Variants in PCDHA4 observed in about 807,000 individuals in gnomAD.
The protein encoded by PCDHA4 is protocadherin alpha 4.
In PCDHA4, 49 loss-of-function variants were observed where a neutral mutation model predicts 61.4. The ratio of observed to expected loss-of-function variants is 0.80; its 90% CI spans 0.63 to 1.01. The LOEUF (loss-of-function observed/expected upper bound fraction) is 1.01. Ranked by LOEUF, PCDHA4 falls within the 50% of genes least tolerant of loss-of-function variation. The pLI is 0.00. For synonymous variants in PCDHA4, 590 were observed against 550.3 expected (o/e 1.07, Z -1.01); for missense variants, 1,254 against 1,235.8 (o/e 1.01, Z -0.22).
intron 1 of PCDHA4, among the ~76,000 whole-genome samples, chr5:140,912,377 A>T (rs1202586249): frequency 1.3e-5 from 2 of 149,084 alleles, no homozygotes; most frequent in Admixed American, 6.7e-5. Context: ...TGTAAAAGGG[A>T]TTGAGTTCTT....
In PCDHA4 at chr5:141,009,849, C is replaced by G; in HGVS notation, c.2756C>G (p.Thr919Ser). The change falls in exon 4 of 4, where the codon ACC (threonine) becomes AGC (serine). Residue 919 changes from threonine (T) to serine (S), a missense_variant. Physicochemically the swap from Thr to Ser is moderately conservative, Grantham distance 58. Coordinates refer to ENST00000530339, the MANE Select transcript of PCDHA4 (RefSeq NM_018907.4). ...ATAACCTTCGGCAAAAAGGAGGAGA[C>G]CAAGAAAAAGAAGAAAAAGAAGAAG... ...DFITFGKKEE[T>S]KKKKKKKKGN... 1 of 1,613,364 alleles carries G rather than the reference C, an allele frequency of 6.2e-7. No homozygotes were observed. The highest frequency in any genetic ancestry group is 8.5e-7 in the Non-Finnish European group (1 of 1,179,856).
At chr5:140,923,364 A>C (rs1414879540) in intron 1 of PCDHA4, among the ~76,000 whole-genome samples, 1 of 152,106 alleles carries the variant, frequency 6.6e-6, no homozygotes, top group African/African-American at 2.4e-5. Flanking sequence ...TATCTTTATA[A>C]AATATTTTTA....
At chr5:140,925,641 T>TATAATA (rs10569930) in intron 1 of PCDHA4, among the ~76,000 whole-genome samples, 37,208 of 143,074 alleles carry the variant, frequency 0.26, 4,933 homozygotes, top group Middle Eastern at 0.29. Context: ...GAACTTAAAG[T>TATAATA]ATAATAATAA....
intron 1 of PCDHA4, chr5:140,852,294 C>T (rs1467732169): frequency 2.1e-6 from 1 of 469,886 alleles, no homozygotes; most frequent in Non-Finnish European, 2.9e-6. Flanking sequence ...TTTTATTTTT[C>T]TGAGACGGAG....
intron 1 of PCDHA4, chr5:140,870,682 C>G: frequency 6.2e-7 from 1 of 1,612,762 alleles, no homozygotes; most frequent in South Asian, 1.1e-5. Flanking sequence ...CCACGAGGAG[C>G]TGGAGCTGCT....
At chr5:141,007,638 T>G (rs1393056593) in intron 3 of PCDHA4, among the ~76,000 whole-genome samples, 7 of 152,128 alleles carry the variant, frequency 4.6e-5, no homozygotes, top group African/African-American at 1.7e-4. Context: ...GCCCTCCCTG[T>G]ATTTGCCTAA....
intron 1 of PCDHA4, chr5:140,869,872 A>G: frequency 6.2e-7 from 1 of 1,610,558 alleles, no homozygotes; most frequent in Admixed American, 1.7e-5. Context: ...AAATGCTGCT[A>G]AAGAAACTCT....
intron 1 of PCDHA4, chr5:140,835,681 C>T (rs2150132521): frequency 6.2e-7 from 1 of 1,613,918 alleles, no homozygotes; most frequent in Non-Finnish European, 8.5e-7. Flanking sequence ...GGGGGCTCGC[C>T]TTCTCTGTGG....
In PCDHA4 at chr5:140,883,118, C is replaced by G. The variant is rs370331206; in HGVS notation, c.2385+73546C>G. ...AGATATAGTTTACTCATTTAGAAGG[C>G]CTGTATGGCCTGCAGTGGTATATGC... On this transcript the variant is annotated intron_variant, in intron 1 of 3. Coordinates refer to ENST00000530339, the MANE Select transcript of PCDHA4 (RefSeq NM_018907.4). The G allele has an allele frequency of 8.7e-6, 14 of 1,613,882 alleles. No individual in the cohort carries two copies. Among genetic ancestry groups the G allele is most frequent in the Non-Finnish European group, 1.2e-5 (14 of 1,180,016 alleles).
chr5:140,822,533 A>G, intron 1 of PCDHA4: 1 of 1,613,982 alleles, frequency 6.2e-7, no homozygotes, highest in Non-Finnish European at 8.5e-7. Context: ...TTGTTGGAAA[A>G]TGCACCAAGT....
chr5:140,851,679 C>A, intron 1 of PCDHA4: 1 of 915,664 alleles, frequency 1.1e-6, no homozygotes, highest in Non-Finnish European at 1.3e-6. Context: ...AAATTTTCTC[C>A]ATTCAGTGAT....
At chr5:140,925,142 C>G (rs2082353538) in intron 1 of PCDHA4, among the ~76,000 whole-genome samples, 1 of 151,570 alleles carries the variant, frequency 6.6e-6, no homozygotes, top group African/African-American at 2.4e-5. Context: ...TTCAAACATA[C>G]ACAAAAGTTG....
chr5:140,839,021 A>G (rs1403087386), intron 1 of PCDHA4, among the ~76,000 whole-genome samples: 1 of 152,058 alleles, frequency 6.6e-6, no homozygotes, highest in East Asian at 1.9e-4. Flanking sequence ...TTATTTTAGG[A>G]TATGTTACTG....
At chr5:140,927,118 G>C in intron 1 of PCDHA4, 1 of 1,613,946 alleles carries the variant, frequency 6.2e-7, no homozygotes, top group Non-Finnish European at 8.5e-7. Context: ...CGGCAATTTG[G>C]TGGTCAGAGA....
chr5:140,971,392 T>C (rs1399891976), intron 1 of PCDHA4, among the ~76,000 whole-genome samples: 1 of 152,154 alleles, frequency 6.6e-6, no homozygotes, highest in East Asian at 1.9e-4. Flanking sequence ...TAAAGGCAAA[T>C]TTCTGCCAGG....
chr5:140,877,032 G>A (rs2056800154), intron 1 of PCDHA4: 1 of 1,612,266 alleles, frequency 6.2e-7, no homozygotes, highest in African/African-American at 1.3e-5. Flanking sequence ...TGTACGCGCT[G>A]CAGCCGCTAG....
At chr5:140,929,192 A>C (rs1367500775) in intron 1 of PCDHA4, 1 of 1,614,124 alleles carries the variant, frequency 6.2e-7, no homozygotes, top group Non-Finnish European at 8.5e-7. Context: ...TCTGATAATA[A>C]CAGTTTGCTG....
chr5:140,953,074 C>T (rs929530454), intron 1 of PCDHA4, among the ~76,000 whole-genome samples: 1 of 152,204 alleles, frequency 6.6e-6, no homozygotes, highest in Non-Finnish European at 1.5e-5. Flanking sequence ...CCATCTCCAA[C>T]ATTGGGGATT....
Position 141,009,718 on chromosome 5 carries a change from A to C in PCDHA4, c.2625A>C (p.Gln875His). The change falls in exon 4 of 4, where the codon CAA becomes CAC. Residue 875 changes from glutamine to histidine, a missense_variant. Coordinates refer to ENST00000530339, the MANE Select transcript of PCDHA4 (RefSeq NM_018907.4). Reference protein sequence around the residue: ...TFKYGPGNPKQSGPGELPDKF... With the variant: ...TFKYGPGNPKHSGPGELPDKF... Reference sequence around the variant, plus strand: ...AATACGGACCAGGCAACCCCAAACAATCCGGTCCCGGTGAGTTGCCCGACA... The same window carrying C: ...AATACGGACCAGGCAACCCCAAACACTCCGGTCCCGGTGAGTTGCCCGACA... 6.2e-7 allele frequency: 1 copy of C among 1,614,044 alleles called. No individual in the cohort carries two copies. Among genetic ancestry groups the C allele is most frequent in the Non-Finnish European group, 8.5e-7 (1 of 1,180,018 alleles).
Sources: gnomAD v4.1 joint callset for allele counts (sites outside exome capture counted in the v4.1 genomes callset) on GRCh38, gnomAD v4.1.1 for gene constraint, MANE v1.5 for transcripts, NCBI Gene and HGNC (gene_info 2026-07-23, HGNC 2026-07-21) for gene names.